FGGY: variants seen among roughly 807,000 people sequenced by gnomAD.
The protein encoded by FGGY is FGGY carbohydrate kinase domain-containing protein.
Under a neutral mutation model 71.3 loss-of-function variants are expected in FGGY, and 72 were observed. The ratio of observed to expected loss-of-function variants is 1.01; its 90% CI spans 0.84 to 1.23. The LOEUF is 1.23. FGGY is among the 50% of genes most tolerant of loss of function. FGGY has a pLI of 0.00. For missense variants in FGGY, 668 were observed against 682.3 expected (o/e 0.98, Z 0.23); for synonymous variants, 251 against 250.3 (o/e 1.00, Z -0.02).
chr1:59,411,532 A>G (rs1250911073), intron 5 of FGGY, among the ~76,000 whole-genome samples: 1 of 152,200 alleles, frequency 6.6e-6, no homozygotes, highest in Non-Finnish European at 1.5e-5. Context: ...TTTAGCAACT[A>G]TTGTAAATTC....
At chr1:59,396,623 G>C (rs1266921546) in intron 5 of FGGY, among the ~76,000 whole-genome samples, 1 of 152,006 alleles carries the variant, frequency 6.6e-6, no homozygotes, top group African/African-American at 2.4e-5. Context: ...TTGGACTGTT[G>C]GTTTACAAAT....
intron 5 of FGGY, among the ~76,000 whole-genome samples, chr1:59,440,974 T>C (rs2069698246): frequency 6.6e-6 from 1 of 152,148 alleles, no homozygotes; most frequent in African/African-American, 2.4e-5. Flanking sequence ...TTCCTCAGGA[T>C]GCACACTTTA....
intron 6 of FGGY, among the ~76,000 whole-genome samples, chr1:59,508,049 G>T (rs2094437524): frequency 6.6e-6 from 1 of 151,918 alleles, no homozygotes; most frequent in Admixed American, 6.6e-5. Context: ...TTTTTGCTCT[G>T]CTGTCATCCC....
chr1:59,521,178 A>G (rs2094821460), intron 7 of FGGY, among the ~76,000 whole-genome samples: 1 of 152,206 alleles, frequency 6.6e-6, no homozygotes, highest in South Asian at 2.1e-4. Flanking sequence ...GAACGTATTC[A>G]TGGGATTGCA....
At position 59,390,244 on chromosome 1, in the gene FGGY, T is replaced by C. The variant is rs140929403; in HGVS notation, c.554+11407T>C. 3.2e-3 allele frequency among the ~76,000 whole-genome samples: 487 copies of C among 152,312 alleles called. 3 individuals carry two copies. The highest frequency in any genetic ancestry group is 0.01 in the African/African-American group (432 of 41,562). ...ATCCTTATCTCTTCACTAATGATAGTAGAAATAATAGGCATTTCAAAATAA... is the reference window on the plus strand; with the variant it reads ...ATCCTTATCTCTTCACTAATGATAGCAGAAATAATAGGCATTTCAAAATAA... On this transcript the variant is annotated intron_variant, in intron 5 of 15. Coordinates refer to ENST00000303721, the MANE Select transcript of FGGY (RefSeq NM_018291.5).
intron 7 of FGGY, among the ~76,000 whole-genome samples, chr1:59,521,389 G>A (rs1273455908): frequency 6.6e-6 from 1 of 152,090 alleles, no homozygotes; most frequent in African/African-American, 2.4e-5. Flanking sequence ...GCAGAAGGCT[G>A]GCCTTAGCTG....
chr1:59,422,432 G>A (rs767906195), intron 5 of FGGY, among the ~76,000 whole-genome samples: 9 of 152,102 alleles, frequency 5.9e-5, no homozygotes, highest in South Asian at 2.1e-4. Context: ...GGTGATTCAC[G>A]CCAGTAGTCC....
chr1:59,380,365 C>T (rs564767845), intron 5 of FGGY, among the ~76,000 whole-genome samples: 10 of 151,194 alleles, frequency 6.6e-5, no homozygotes, highest in African/African-American at 1.2e-4. Context: ...CCTGAGGAAT[C>T]GCCACACTGA....
chr1:59,358,046 C>T (rs575260664), intron 4 of FGGY, among the ~76,000 whole-genome samples: 95 of 152,270 alleles, frequency 6.2e-4, no homozygotes, highest in African/African-American at 2.2e-3. Flanking sequence ...GAGGAAAATA[C>T]GATCTTTATA....
chr1:59,678,537 A>G (rs1469433118), intron 14 of FGGY, among the ~76,000 whole-genome samples: 3 of 152,224 alleles, frequency 2.0e-5, no homozygotes, highest in African/African-American at 7.2e-5. Context: ...GGACAAATAA[A>G]TAAAACAAGA....
intron 6 of FGGY, among the ~76,000 whole-genome samples, chr1:59,503,987 C>T (rs2094310662): frequency 6.6e-6 from 1 of 152,076 alleles, no homozygotes; most frequent in Non-Finnish European, 1.5e-5. Flanking sequence ...AAGAATGCTA[C>T]ACAGAGAGGC....
intron 8 of FGGY, 84 bp from the exon 9 acceptor site, chr1:59,607,719 A>G (rs1189686363): frequency 5.8e-6 from 6 of 1,038,246 alleles, no homozygotes; most frequent in South Asian, 1.6e-5. Context: ...GCTGAATTCC[A>G]TGGTCATAGA....
At chr1:59,701,083 G>A (rs2097705577) in intron 14 of FGGY, among the ~76,000 whole-genome samples, 1 of 152,180 alleles carries the variant, frequency 6.6e-6, no homozygotes, top group South Asian at 2.1e-4. Flanking sequence ...GAAATGGTTT[G>A]GAATTGCAAA....
intron 4 of FGGY, among the ~76,000 whole-genome samples, chr1:59,369,817 C>G (rs532119755): frequency 1.3e-5 from 2 of 152,196 alleles, no homozygotes; most frequent in African/African-American, 4.8e-5. Context: ...CTGGAGTGGA[C>G]GTCTAGCAAA....
chr1:59,423,273 G>A (rs1162445586), intron 5 of FGGY, among the ~76,000 whole-genome samples: 1 of 152,178 alleles, frequency 6.6e-6, no homozygotes. Flanking sequence ...GCAAAGGAGT[G>A]TGGCAGCTGA....
chr1:59,672,229 C>A lies in FGGY; in HGVS notation c.1418-1810C>A, dbSNP rs74086293. Among the ~76,000 whole-genome samples, 447 of 152,300 alleles carry A rather than the reference C, an allele frequency of 2.9e-3. 1 individual carries two copies. Among genetic ancestry groups the A allele is most frequent in the African/African-American group, 0.01 (428 of 41,548 alleles). On this transcript the variant is annotated intron_variant, in intron 13 of 15. Coordinates refer to ENST00000303721, the MANE Select transcript of FGGY (RefSeq NM_018291.5). ...TTGATGGGAACCTTTATTGTCCCTT[C>A]CCCACTTATCCAGTTTTTAGTCCAG...
At chr1:59,413,294 ATGTT>A (rs1377409330) in intron 5 of FGGY, among the ~76,000 whole-genome samples, 2 of 152,178 alleles carry the variant, frequency 1.3e-5, no homozygotes, top group East Asian at 3.8e-4. Context: ...GGGCAGGACT[ATGTT>A]TGTTTACTTT....
At chr1:59,388,939 C>A (rs1253315914) in intron 5 of FGGY, among the ~76,000 whole-genome samples, 1 of 151,888 alleles carries the variant, frequency 6.6e-6, no homozygotes, top group African/African-American at 2.4e-5. Flanking sequence ...CTCCCCATTT[C>A]CCTCTTTACC....
At chr1:59,627,489 T>TATATATATATATAC (rs1469493501) in intron 10 of FGGY, among the ~76,000 whole-genome samples, 25 of 92,770 alleles carry the variant, frequency 2.7e-4, no homozygotes, top group African/African-American at 1.0e-3. Flanking sequence ...TATATATATA[T>TATATATATATATAC]ACACACACAC....
Sources: gnomAD v4.1 joint callset for allele counts (sites outside exome capture counted in the v4.1 genomes callset) on GRCh38, gnomAD v4.1.1 for gene constraint, MANE v1.5 for transcripts, NCBI Gene and HGNC (gene_info 2026-07-23, HGNC 2026-07-21) for gene names.